MARK1: variants seen among roughly 807,000 people sequenced by gnomAD.
MARK1 encodes serine/threonine-protein kinase MARK1.
MARK1 carries 40 observed loss-of-function variants against 96.3 expected under a neutral mutation model. The ratio of observed to expected loss-of-function variants is 0.42; its 90% confidence interval spans 0.32 to 0.54. The LOEUF is 0.54. Among genes scored for constraint, MARK1 ranks in the 20% least tolerant of loss-of-function variants. The pLI, the probability that MARK1 is intolerant of heterozygous loss-of-function variation, is 0.16. For synonymous variants in MARK1, 317 were observed against 341.2 expected (o/e 0.93, Z 0.78); for missense variants, 719 against 984.6 (o/e 0.73, Z 3.61).
At chr1:220,586,324 C>T (rs1185050755) in intron 3 of MARK1, among the ~76,000 whole-genome samples, 3 of 152,100 alleles carry the variant, frequency 2.0e-5, no homozygotes, top group Non-Finnish European at 2.9e-5. Flanking sequence ...AACTTTCTCC[C>T]ACCTTCTGGG....
rs1205414737 is a variant in MARK1 at position 220,664,053 on chromosome 1, A to T, written c.*1887A>T. 2 of 152,542 alleles carry T rather than the reference A, an allele frequency of 1.3e-5. No homozygotes were observed. Among genetic ancestry groups the T allele is most frequent in the East Asian group, 3.8e-4 (2 of 5,196 alleles). The allele number at this position is 152,542 out of a possible 1,614,324, so 9.4% of individuals were successfully genotyped here. A position where few individuals can be genotyped will look rare whatever the true frequency, so the allele number is the denominator to read the frequency against. Reference sequence around the variant, plus strand: ...GAAGGTTTTCAAGATTATTGAAACTATGAAGGTTTCTTGTCATTATGACAA... The same window carrying T: ...GAAGGTTTTCAAGATTATTGAAACTTTGAAGGTTTCTTGTCATTATGACAA... On this transcript the variant is annotated 3_prime_UTR_variant, in exon 18 of 18. Transcript: ENST00000366917.
intron 13 of MARK1, among the ~76,000 whole-genome samples, chr1:220,637,883 G>A (rs746093687): frequency 2.0e-5 from 3 of 151,468 alleles, no homozygotes; most frequent in Admixed American, 6.6e-5. Flanking sequence ...ACCAAAATGC[G>A]CAAAATTCCA....
chr1:220,620,527 G>A (rs1404736559), intron 9 of MARK1, among the ~76,000 whole-genome samples: 1 of 152,070 alleles, frequency 6.6e-6, no homozygotes, highest in Non-Finnish European at 1.5e-5. Context: ...AATTATTTTG[G>A]GGGGATAGAT....
At chr1:220,606,176 G>A (rs1666064580) in intron 6 of MARK1, among the ~76,000 whole-genome samples, 1 of 152,152 alleles carries the variant, frequency 6.6e-6, no homozygotes, top group African/African-American at 2.4e-5. Flanking sequence ...TCCAGCATCT[G>A]TTGTTTCCTG....
chr1:220,662,030 G>T lies in MARK1; in HGVS notation c.2252G>T (p.Ser751Ile). Residue 751 changes from serine to isoleucine, a missense_variant, in exon 18 of 18, where the codon AGC (serine) becomes ATC (isoleucine). Physicochemically the swap from Ser to Ile is moderately radical, Grantham distance 142. Transcript: ENST00000366917. ...GTCCATGGAGACGCTAGACAGGATA[G>T]CCTCGTGCAGTGGGAGATGGAAGTC... ...FCVHGDARQD[S>I]LVQWEMEVCK... The T allele has an allele frequency of 6.2e-7, 1 of 1,614,164 alleles. No homozygotes were observed.
intron 1 of MARK1, among the ~76,000 whole-genome samples, chr1:220,547,017 T>C (rs1298584311): frequency 6.6e-6 from 1 of 151,558 alleles, no homozygotes; most frequent in Non-Finnish European, 1.5e-5. Context: ...AAAGCAACTA[T>C]AGGAATAGAA....
At chr1:220,620,715 C>T (rs1334146202) in intron 9 of MARK1, among the ~76,000 whole-genome samples, 1 of 152,070 alleles carries the variant, frequency 6.6e-6, no homozygotes, top group African/African-American at 2.4e-5. Context: ...ATTTGATCAT[C>T]AGAAGCTCAT....
At chr1:220,624,891 C>T (rs928849091) in intron 9 of MARK1, among the ~76,000 whole-genome samples, 3 of 152,328 alleles carry the variant, frequency 2.0e-5, no homozygotes, top group Non-Finnish European at 4.4e-5. Context: ...TCAGAACTCT[C>T]TTGTATTCCA....
At chr1:220,608,341 T>A (rs1666219229) in intron 6 of MARK1, among the ~76,000 whole-genome samples, 1 of 152,216 alleles carries the variant, frequency 6.6e-6, no homozygotes. Flanking sequence ...TTTATTTGCA[T>A]AGAGGTGTTT....
intron 16 of MARK1, 67 bp from the exon 17 acceptor site, chr1:220,657,723 A>T: frequency 8.8e-7 from 1 of 1,142,736 alleles, no homozygotes; most frequent in Non-Finnish European, 1.2e-6. Flanking sequence ...AAATAATTTT[A>T]GATATAGGTT....
chr1:220,582,190 A>G (rs1304169798), intron 3 of MARK1, among the ~76,000 whole-genome samples: 1 of 152,160 alleles, frequency 6.6e-6, no homozygotes, highest in Non-Finnish European at 1.5e-5. Flanking sequence ...TTCTTTTGAA[A>G]ATTTGACAAC....
At chr1:220,626,714 C>T (rs1026402758) in intron 9 of MARK1, 21 of 332,468 alleles carry the variant, frequency 6.3e-5, no homozygotes, top group African/African-American at 8.7e-5. Flanking sequence ...CCCAGCTATT[C>T]GGGAGGCTGA....
intron 3 of MARK1, among the ~76,000 whole-genome samples, chr1:220,586,525 T>C (rs1664638602): frequency 6.6e-6 from 1 of 152,252 alleles, no homozygotes; most frequent in South Asian, 2.1e-4. Flanking sequence ...GTTTTGGTTT[T>C]GGTAGTCGTT....
chr1:220,568,010 A>G (rs1446085133), intron 1 of MARK1, among the ~76,000 whole-genome samples: 1 of 152,078 alleles, frequency 6.6e-6, no homozygotes, highest in Non-Finnish European at 1.5e-5. Flanking sequence ...CACCCCTCTC[A>G]TGGTATAAAA....
chr1:220,631,169 T>C, intron 10 of MARK1, 35 bp downstream of exon 10: 4 of 1,459,590 alleles, frequency 2.7e-6, no homozygotes, highest in Non-Finnish European at 3.8e-6. Context: ...GTGCTGTCCC[T>C]AGGCAACAAG....
intron 16 of MARK1, among the ~76,000 whole-genome samples, chr1:220,655,414 G>C (rs2103064913): frequency 6.6e-6 from 1 of 152,240 alleles, no homozygotes; most frequent in East Asian, 1.9e-4. Flanking sequence ...TATAGACTCT[G>C]AAACAGAACA....
At chr1:220,544,568 A>C (rs1187817493) in intron 1 of MARK1, among the ~76,000 whole-genome samples, 2 of 152,230 alleles carry the variant, frequency 1.3e-5, no homozygotes, top group Non-Finnish European at 2.9e-5. Flanking sequence ...ATCATGAGCT[A>C]AATAAATTTT....
intron 1 of MARK1, among the ~76,000 whole-genome samples, chr1:220,558,694 A>G (rs941654828): frequency 1.3e-5 from 2 of 152,088 alleles, no homozygotes; most frequent in African/African-American, 4.8e-5. Flanking sequence ...CAAAATATAT[A>G]AAACAAAAAA....
chr1:220,544,724 G>A (rs567597855), intron 1 of MARK1, among the ~76,000 whole-genome samples: 126 of 152,172 alleles, frequency 8.3e-4, no homozygotes, highest in Admixed American at 2.0e-3. Flanking sequence ...GTTAGTCCAG[G>A]TGGTAAACAA....
Sources: allele counts gnomAD v4.1 joint callset (sites outside exome capture counted in the v4.1 genomes callset), GRCh38; gene constraint gnomAD v4.1.1; transcripts MANE v1.5; gene names NCBI Gene and HGNC (gene_info 2026-07-23, HGNC 2026-07-21).